CRB1: variants seen among roughly 807,000 people sequenced by gnomAD.
The protein encoded by CRB1 is protein crumbs homolog 1.
In CRB1, 83 loss-of-function variants were observed where a neutral mutation model predicts 120.0. The ratio of observed to expected loss-of-function variants is 0.69; its 90% CI spans 0.58 to 0.83. The LOEUF (loss-of-function observed/expected upper bound fraction) is 0.83, where lower values mean the gene tolerates loss of function less well. Among genes scored for constraint, CRB1 ranks in the 40% least tolerant of loss-of-function variants. CRB1 has a pLI of 0.00. For missense variants in CRB1, 1,699 were observed against 1,687.6 expected (o/e 1.01, Z -0.12); for synonymous variants, 625 against 612.5 (o/e 1.02, Z -0.30).
intron 5 of CRB1, among the ~76,000 whole-genome samples, chr1:197,386,511 T>A (rs928412631): frequency 3.9e-5 from 6 of 152,160 alleles, no homozygotes; most frequent in Admixed American, 3.3e-4. Flanking sequence ...TAGACAGCAC[T>A]TCCCTGAATT....
the CRB1 span, among the ~76,000 whole-genome samples, chr1:197,202,998 T>TGA: frequency 2.0e-5 from 3 of 151,978 alleles, no homozygotes; most frequent in Non-Finnish European, 4.4e-5. Context: ...TGTGTGTGTG[T>TGA]GACGGAGAGA....
intron 5 of CRB1, among the ~76,000 whole-genome samples, chr1:197,405,107 G>A (rs1045013016): frequency 4.0e-5 from 6 of 150,940 alleles, no homozygotes; most frequent in East Asian, 2.0e-4. Flanking sequence ...CTCTTTCCAC[G>A]GTCTCCCTCT....
the CRB1 span, among the ~76,000 whole-genome samples, chr1:197,227,929 T>A: frequency 2.0e-5 from 3 of 152,188 alleles, no homozygotes; most frequent in Non-Finnish European, 2.9e-5. Flanking sequence ...ACAAGCTCAA[T>A]ACCATGTGGA....
intron 11 of CRB1, among the ~76,000 whole-genome samples, chr1:197,466,478 T>C (rs1015573287): frequency 2.0e-5 from 3 of 152,180 alleles, no homozygotes; most frequent in Admixed American, 6.5e-5. Context: ...TTCTGATAAA[T>C]TGGCCATAAA....
intron 1 of CRB1, among the ~76,000 whole-genome samples, chr1:197,309,975 C>T (rs903335450): frequency 1.3e-5 from 2 of 152,012 alleles, no homozygotes; most frequent in South Asian, 2.1e-4. Flanking sequence ...AAAATATCTA[C>T]GTTTGCACAC....
At chr1:197,237,410 T>C in the CRB1 span, among the ~76,000 whole-genome samples, 4 of 152,230 alleles carry the variant, frequency 2.6e-5, no homozygotes, top group East Asian at 7.7e-4. Context: ...CCTCACATGG[T>C]GAAAGGGGCA....
chr1:197,252,582 A>ATATGTGTGTGTGTGTGTG, the CRB1 span, among the ~76,000 whole-genome samples: 6 of 15,500 alleles, frequency 3.9e-4, no homozygotes, highest in African/African-American at 4.9e-4. Flanking sequence ...ATATATATAT[A>ATATGTGTGTGTGTGTGTG]TGTGTGTGTG....
At chr1:197,401,511 A>G (rs757461397) in intron 5 of CRB1, among the ~76,000 whole-genome samples, 20 of 152,242 alleles carry the variant, frequency 1.3e-4, no homozygotes, top group Middle Eastern at 3.4e-3. Flanking sequence ...TTGTCATCCA[A>G]TTATTATTTT....
At chr1:197,430,103 A>G (rs1025778351) in intron 8 of CRB1, among the ~76,000 whole-genome samples, 10 of 152,318 alleles carry the variant, frequency 6.6e-5, no homozygotes, top group African/African-American at 2.4e-4. Flanking sequence ...TAGGCACTCA[A>G]TTAATGATAT....
chr1:197,290,463 A>G (rs1380571946), intron 1 of CRB1, among the ~76,000 whole-genome samples: 1 of 151,610 alleles, frequency 6.6e-6, no homozygotes, highest in Non-Finnish European at 1.5e-5. Context: ...ATTATTTTTT[A>G]GGCCTTCTTT....
intron 11 of CRB1, among the ~76,000 whole-genome samples, chr1:197,450,458 T>C (rs1378191155): frequency 6.6e-6 from 1 of 152,098 alleles, no homozygotes; most frequent in Non-Finnish European, 1.5e-5. Context: ...ATGCTGAAGT[T>C]TGGCATATGA....
chr1:197,320,507 C>T (rs1658127448), intron 1 of CRB1, among the ~76,000 whole-genome samples: 1 of 152,120 alleles, frequency 6.6e-6, no homozygotes, highest in Non-Finnish European at 1.5e-5. Context: ...CATACATAAG[C>T]ATCCTTCAGG....
At chr1:197,209,748 G>A in the CRB1 span, among the ~76,000 whole-genome samples, 1 of 152,094 alleles carries the variant, frequency 6.6e-6, no homozygotes, top group African/African-American at 2.4e-5. Flanking sequence ...ATGCGCATAG[G>A]GCTCTTCTTG....
Position 197,328,740 on chromosome 1 carries a change from T to A in CRB1, c.389T>A (p.Ile130Asn). The A allele has an allele frequency of 6.2e-7, 1 of 1,612,020 alleles. No homozygotes were observed. Among genetic ancestry groups the A allele is most frequent in the Non-Finnish European group, 8.5e-7 (1 of 1,178,474 alleles). ...QHGGICHQDP[I>N]YPVCICPAGY... ...GGAGGTATTTGCCATCAGGACCCTA[T>A]TTATCCTGTCTGCATCTGCCCTGCT... Residue 130 changes from isoleucine (I) to asparagine (N), a missense_variant, in exon 2 of 12, where the codon ATT (isoleucine) becomes AAT (asparagine). By Grantham distance (149) the Ile-to-Asn change is moderately radical. Coordinates refer to ENST00000367400, the MANE Select transcript of CRB1 (RefSeq NM_201253.3).
intron 6 of CRB1, among the ~76,000 whole-genome samples, chr1:197,426,024 G>T (rs781325919): frequency 4.0e-5 from 6 of 151,284 alleles, no homozygotes; most frequent in Non-Finnish European, 5.9e-5. Flanking sequence ...AGTCACTTCT[G>T]CTTGGATATC....
chr1:197,336,143 C>T (rs970461333), intron 2 of CRB1, among the ~76,000 whole-genome samples: 2 of 152,122 alleles, frequency 1.3e-5, no homozygotes, highest in African/African-American at 2.4e-5. Flanking sequence ...AATGATAATT[C>T]CTGTTCCTCT....
chr1:197,364,735 G>C (rs1277252892), intron 5 of CRB1, among the ~76,000 whole-genome samples: 1 of 151,634 alleles, frequency 6.6e-6, no homozygotes. Flanking sequence ...TTTCCATTTT[G>C]TTCTTTTAAG....
In CRB1 at chr1:197,299,351, C is replaced by A. The variant is rs374931344; in HGVS notation, c.71-29071C>A. On this transcript the variant is annotated intron_variant, in intron 1 of 11. Coordinates refer to ENST00000367400, the MANE Select transcript of CRB1 (RefSeq NM_201253.3). ...AAATGATTACATCTTACAAAGCCAA[C>A]CTGACAGACATGTGGAACAACAAGT... 2.6e-5 allele frequency among the ~76,000 whole-genome samples: 4 copies of A among 152,160 alleles called. No homozygotes were observed. The East Asian group carries it at 5.8e-4, about 22-fold the overall frequency.
At chr1:197,216,077 C>A in the CRB1 span, among the ~76,000 whole-genome samples, 1 of 152,150 alleles carries the variant, frequency 6.6e-6, no homozygotes, top group African/African-American at 2.4e-5. Context: ...TTTTGCCTCC[C>A]ATCTGGCCTT....
Sources: allele counts gnomAD v4.1 joint callset (sites outside exome capture counted in the v4.1 genomes callset), GRCh38; gene constraint gnomAD v4.1.1; transcripts MANE v1.5; gene names NCBI Gene and HGNC (gene_info 2026-07-23, HGNC 2026-07-21).